PCDHGA2: variants seen among roughly 807,000 people sequenced by gnomAD.
PCDHGA2 encodes protocadherin gamma-A2.
A neutral mutation model predicts 59.2 loss-of-function variants in PCDHGA2; 40 were observed. The observed-to-expected ratio is 0.68, with a 90% CI of 0.52 to 0.88. The LOEUF (loss-of-function observed/expected upper bound fraction) is 0.88. Among genes scored for constraint, PCDHGA2 ranks in the 40% least tolerant of loss-of-function variants. The pLI, the probability that PCDHGA2 is intolerant of heterozygous loss-of-function variation, is 0.00. For synonymous variants in PCDHGA2, 560 were observed against 526.0 expected (o/e 1.06, Z -0.89); for missense variants, 1,226 against 1,204.0 (o/e 1.02, Z -0.27).
In PCDHGA2 at chr5:141,346,235, T is replaced by C. The variant is rs747921761; in HGVS notation, c.2424+4840T>C. The C allele has an allele frequency of 3.3e-5, 53 of 1,614,070 alleles. No homozygotes were observed. In the African/African-American group the frequency reaches 6.5e-4, roughly 20 times the overall value. ...AGGCTTCGGGAGGCGGCTTGGCGAG[T>C]ACGCCCGGCTCGCACTTTGTGGGCG... is the stretch of plus-strand genomic sequence containing the variant. On this transcript the variant is annotated intron_variant, in intron 1 of 3. Coordinates refer to ENST00000394576, the MANE Select transcript of PCDHGA2 (RefSeq NM_018915.4).
chr5:141,497,131 A>G (rs1269110126), intron 2 of PCDHGA2, among the ~76,000 whole-genome samples: 3 of 152,122 alleles, frequency 2.0e-5, no homozygotes, highest in Admixed American at 6.6e-5. Flanking sequence ...GGTTGCAGTG[A>G]GCTGAGATCA....
In PCDHGA2 at chr5:141,346,547, G is replaced by A. The variant is rs1303043494; in HGVS notation, c.2424+5152G>A. ...AACACATATGTATTTGAGAAATAAA[G>A]CCATGAGGTTGTCATTAGTCCTTTG... On this transcript the variant is annotated intron_variant, in intron 1 of 3. Coordinates refer to ENST00000394576, the MANE Select transcript of PCDHGA2 (RefSeq NM_018915.4). The A allele has an allele frequency of 6.5e-6, 10 of 1,533,448 alleles. 1 individual carries two copies. The South Asian group carries it at 1.3e-4, about 19-fold the overall frequency. The allele number at this position is 1,533,448 out of a possible 1,614,324, so 95.0% of individuals were successfully genotyped here.
At chr5:141,352,514 A>G (rs752533199) in intron 1 of PCDHGA2, 2 of 1,613,960 alleles carry the variant, frequency 1.2e-6, no homozygotes, top group Admixed American at 1.7e-5. Flanking sequence ...CAATCTATGT[A>G]TTGCCTCTCA....
Position 141,476,878 on chromosome 5 carries a change from G to A in PCDHGA2, c.2425-17929G>A. 2 of 1,613,960 alleles carry A rather than the reference G, an allele frequency of 1.2e-6. No homozygotes were observed. The highest frequency in any genetic ancestry group is 1.7e-6 in the Non-Finnish European group (2 of 1,180,034). Reference sequence around the variant, plus strand: ...AGTCCTTGTACCGGGCGCGCGTCCTGGAGGATGCACCCTCCGGCACGCGCG... The same window carrying A: ...AGTCCTTGTACCGGGCGCGCGTCCTAGAGGATGCACCCTCCGGCACGCGCG... On this transcript the variant is annotated intron_variant, in intron 1 of 3. Transcript: ENST00000394576. This position sits in a 1 kb window ranked among gnomAD's most constrained non-coding sequence, Gnocchi z 7.6.
intron 1 of PCDHGA2, among the ~76,000 whole-genome samples, chr5:141,464,888 GCCACCATGT>G (rs1351812446): frequency 6.6e-6 from 1 of 152,000 alleles, no homozygotes; most frequent in East Asian, 1.9e-4. Context: ...ACAGATGGAT[GCCACCATGT>G]CCAGCTAATT....
At chr5:141,509,081 A>G (rs1279221589) in intron 3 of PCDHGA2, among the ~76,000 whole-genome samples, 1 of 152,160 alleles carries the variant, frequency 6.6e-6, no homozygotes, top group African/African-American at 2.4e-5. Flanking sequence ...GATTTGCGAC[A>G]TGAAATGGGG....
At chr5:141,454,796 ATTTTTTTTTTTTTTTT>A (rs61612330) in intron 1 of PCDHGA2, among the ~76,000 whole-genome samples, 1 of 77,408 alleles carries the variant, frequency 1.3e-5, no homozygotes, top group East Asian at 4.0e-4. Flanking sequence ...CATGGTTCTA[ATTTTTTTTTTTTTTTT>A]TTTTTTTTTT....
chr5:141,464,907 T>A lies in PCDHGA2; in HGVS notation c.2425-29900T>A, dbSNP rs187725683. On this transcript the variant is annotated intron_variant, in intron 1 of 3. Transcript: ENST00000394576. ...ATGGATGCCACCATGTCCAGCTAAT[T>A]TTTTTATTTTTTTGTAGAGATGTGA... 4.5e-3 allele frequency among the ~76,000 whole-genome samples: 687 copies of A among 152,148 alleles called. 4 individuals are homozygous for A. Among genetic ancestry groups the A allele is most frequent in the African/African-American group, 0.015 (630 of 41,510 alleles).
At chr5:141,418,000 G>A (rs758811293) in intron 1 of PCDHGA2, 6 of 1,613,902 alleles carry the variant, frequency 3.7e-6, no homozygotes, top group Admixed American at 1.7e-5. Context: ...GCTCGGTGGT[G>A]GGGAACCTCG....
At chr5:141,453,495 C>T (rs1490576605) in intron 1 of PCDHGA2, among the ~76,000 whole-genome samples, 1 of 151,968 alleles carries the variant, frequency 6.6e-6, no homozygotes, top group Admixed American at 6.6e-5. Flanking sequence ...AAAAGGTGTA[C>T]TCAGAAAATT....
chr5:141,476,597 G>C lies in PCDHGA2; in HGVS notation c.2425-18210G>C, dbSNP rs2099394582. On this transcript the variant is annotated intron_variant, in intron 1 of 3. Coordinates refer to ENST00000394576, the MANE Select transcript of PCDHGA2 (RefSeq NM_018915.4). The surrounding 1 kb of genome is among the most constrained non-coding windows in gnomAD (Gnocchi z 7.6). ...GCGCTTTCCGCTCGAGAGCGCGCAC[G>C]ATCCCGATGTGGGAAGCAACTCTTT... The C allele has an allele frequency of 1.2e-6, 2 of 1,614,112 alleles. No individual in the cohort carries two copies. The highest frequency in any genetic ancestry group is 1.7e-6 in the Non-Finnish European group (2 of 1,180,046).
chr5:141,404,879 G>A (rs770577946), intron 1 of PCDHGA2: 4 of 1,613,906 alleles, frequency 2.5e-6, no homozygotes, highest in Middle Eastern at 1.6e-4. Flanking sequence ...ACAGAGCCTT[G>A]TGGTGGCTGT....
At chr5:141,355,660 C>T in intron 1 of PCDHGA2, 1 of 1,614,014 alleles carries the variant, frequency 6.2e-7, no homozygotes, top group Non-Finnish European at 8.5e-7. Flanking sequence ...AAGATTTCCT[C>T]TTCCTGAAGC....
intron 1 of PCDHGA2, chr5:141,427,194 T>G (rs759512205): frequency 6.6e-6 from 3 of 456,512 alleles, no homozygotes; most frequent in Non-Finnish European, 1.3e-5. Context: ...ATCCAAAGAC[T>G]TAATAGACTT....
At chr5:141,478,598 A>C in intron 1 of PCDHGA2, 1 of 1,566,350 alleles carries the variant, frequency 6.4e-7, no homozygotes, top group South Asian at 1.2e-5. Flanking sequence ...TTATTCCTAC[A>C]TCATATTGAG....
At chr5:141,356,896 A>G in intron 1 of PCDHGA2, 2 of 1,614,052 alleles carry the variant, frequency 1.2e-6, no homozygotes, top group Non-Finnish European at 1.7e-6. Flanking sequence ...CCTGTACCCC[A>G]CCTTCCCTAC....
rs1158395811 is a variant in PCDHGA2, at chr5:141,476,020, T to TCGGCGCC, written c.2425-18785_2425-18779dup. The stretch of plus-strand genomic sequence containing the variant: ...CGGCATCCAGAAAGCCATGTCGGAC[T>TCGGCGCC]CGGCGCCCAGCGCCCAAGCGCTAAC... On this transcript the variant is annotated intron_variant, in intron 1 of 3. Transcript: ENST00000394576. The surrounding 1 kb of genome is among the most constrained non-coding windows in gnomAD (Gnocchi z 7.6). 2.1e-6 allele frequency: 3 copies of TCGGCGCC among 1,398,716 alleles called. No homozygotes were observed. The African/African-American group carries it at 4.3e-5, about 20-fold the overall frequency. The allele number at this position is 1,398,716 out of a possible 1,614,324, so 86.6% of individuals were successfully genotyped here. A position where few individuals can be genotyped will look rare whatever the true frequency, so the allele number is the denominator to read the frequency against.
At chr5:141,402,859 G>A (rs1314987043) in intron 1 of PCDHGA2, 8 of 1,428,738 alleles carry the variant, frequency 5.6e-6, no homozygotes, top group Non-Finnish European at 7.4e-6. Flanking sequence ...TTCTTCTAAG[G>A]AAAAGATCAC....
Position 141,431,145 on chromosome 5 carries a change from A to G in PCDHGA2, c.2425-63662A>G. The G allele has an allele frequency of 1.2e-6, 2 of 1,614,244 alleles. No homozygotes were observed. Among genetic ancestry groups the G allele is most frequent in the Non-Finnish European group, 1.7e-6 (2 of 1,180,042 alleles). On this transcript the variant is annotated intron_variant, in intron 1 of 3. Transcript: ENST00000394576. The surrounding 1 kb of genome is among the most constrained non-coding windows in gnomAD (Gnocchi z 4.8). ...GTAGAAGTAAGGGACATTAACGACA[A>G]TGCGCCTTACTTTCGTGAAAGTGAA... is the stretch of plus-strand genomic sequence containing the variant.
Sources: allele counts gnomAD v4.1 joint callset (sites outside exome capture counted in the v4.1 genomes callset), GRCh38; gene constraint gnomAD v4.1.1; non-coding constraint Gnocchi (gnomAD v3.1); transcripts MANE v1.5; gene names NCBI Gene and HGNC (gene_info 2026-07-23, HGNC 2026-07-21).